Variants in MDGA2 observed in about 807,000 individuals in gnomAD.
The protein encoded by MDGA2 is MAM domain-containing glycosylphosphatidylinositol anchor protein 2.
A neutral mutation model predicts 117.8 loss-of-function variants in MDGA2; 40 were observed. The observed-to-expected ratio is 0.34, with a 90% CI of 0.26 to 0.44. MDGA2 has a LOEUF of 0.44. MDGA2 is among the 20% of genes least tolerant of loss of function. The pLI, the probability that MDGA2 is intolerant of heterozygous loss-of-function variation, is 1.00. For missense variants in MDGA2, 1,123 were observed against 1,250.6 expected (o/e 0.90, Z 1.54); for synonymous variants, 452 against 439.0 (o/e 1.03, Z -0.37).
intron 8 of MDGA2, among the ~76,000 whole-genome samples, chr14:46,965,518 A>G (rs773000220): frequency 3.9e-5 from 6 of 152,182 alleles, no homozygotes; most frequent in Non-Finnish European, 8.8e-5. Context: ...GACTGCCCAC[A>G]CTACTTTGAT....
intron 9 of MDGA2, among the ~76,000 whole-genome samples, chr14:46,946,892 C>A (rs1165344651): frequency 6.6e-6 from 1 of 152,082 alleles, no homozygotes; most frequent in Non-Finnish European, 1.5e-5. Flanking sequence ...AGGAAGGATG[C>A]CAGGTCCTTC....
chr14:47,178,076 G>A (rs1405085101), intron 3 of MDGA2, among the ~76,000 whole-genome samples: 1 of 152,036 alleles, frequency 6.6e-6, no homozygotes, highest in African/African-American at 2.4e-5. Context: ...TACACATTGA[G>A]GGGGTTGGGT....
chr14:47,544,264 A>T (rs1438636993), intron 1 of MDGA2, among the ~76,000 whole-genome samples: 3 of 152,188 alleles, frequency 2.0e-5, no homozygotes, highest in African/African-American at 7.2e-5. Context: ...TAAAAAAACC[A>T]TTAGCAGGTT....
intron 1 of MDGA2, among the ~76,000 whole-genome samples, chr14:47,488,268 A>G (rs1252373286): frequency 6.6e-6 from 1 of 152,164 alleles, no homozygotes; most frequent in Non-Finnish European, 1.5e-5. Flanking sequence ...AAACTATAGT[A>G]AGTAAAATCT....
At chr14:47,193,082 T>C (rs920235308) in intron 3 of MDGA2, among the ~76,000 whole-genome samples, 47 of 151,674 alleles carry the variant, frequency 3.1e-4, no homozygotes, top group African/African-American at 1.1e-3. Context: ...GTGACATTCC[T>C]AATCATACTT....
At chr14:47,163,838 A>G (rs576625557) in intron 3 of MDGA2, among the ~76,000 whole-genome samples, 22 of 152,264 alleles carry the variant, frequency 1.4e-4, no homozygotes, top group African/African-American at 4.3e-4. Context: ...GTTTCCTGGG[A>G]AGCAGGAGCA....
At chr14:46,878,197 T>C (rs1170332272) in intron 11 of MDGA2, among the ~76,000 whole-genome samples, 1 of 151,988 alleles carries the variant, frequency 6.6e-6, no homozygotes, top group African/African-American at 2.4e-5. Context: ...TGCCAATGAA[T>C]TTCCACCCAA....
chr14:47,201,077 C>G, intron 3 of MDGA2: 1 of 1,074,942 alleles, frequency 9.3e-7, no homozygotes, highest in South Asian at 1.2e-5. Context: ...CCTCGACCAT[C>G]AAGCACCAAG....
intron 1 of MDGA2, among the ~76,000 whole-genome samples, chr14:47,638,250 T>C (rs1897359561): frequency 6.6e-6 from 1 of 152,132 alleles, no homozygotes; most frequent in African/African-American, 2.4e-5. Context: ...TCAATCAAAA[T>C]AAATTTAATT....
intron 5 of MDGA2, among the ~76,000 whole-genome samples, chr14:47,119,361 G>C (rs534463671): frequency 6.6e-6 from 1 of 152,020 alleles, no homozygotes; most frequent in Non-Finnish European, 1.5e-5. Context: ...CACCGGGCCC[G>C]GCCCTACATA....
intron 1 of MDGA2, among the ~76,000 whole-genome samples, chr14:47,562,349 A>G (rs1000242867): frequency 6.6e-6 from 1 of 152,090 alleles, no homozygotes; most frequent in Admixed American, 6.5e-5. Context: ...TTGTAAATCC[A>G]TCTTGTCCTG....
At chr14:47,665,093 C>T (rs1897919105) in intron 1 of MDGA2, among the ~76,000 whole-genome samples, 1 of 152,150 alleles carries the variant, frequency 6.6e-6, no homozygotes, top group Admixed American at 6.5e-5. Context: ...TCCAGGACTA[C>T]TTTTCTTTCT....
intron 5 of MDGA2, among the ~76,000 whole-genome samples, chr14:47,111,329 T>A (rs903748402): frequency 1.2e-4 from 18 of 152,090 alleles, no homozygotes; most frequent in African/African-American, 3.9e-4. Flanking sequence ...ACAAAATTCA[T>A]AATTTCCAAG....
intron 1 of MDGA2, among the ~76,000 whole-genome samples, chr14:47,656,102 C>G (rs1292763972): frequency 6.6e-6 from 1 of 152,124 alleles, no homozygotes; most frequent in African/African-American, 2.4e-5. Flanking sequence ...TGAAAATAGG[C>G]AATTAAGAGA....
chr14:47,526,547 G>A (rs969360937), intron 1 of MDGA2, among the ~76,000 whole-genome samples: 11 of 152,096 alleles, frequency 7.2e-5, no homozygotes, highest in African/African-American at 1.4e-4. Flanking sequence ...TCCCCAGGAC[G>A]ACTGGACGGT....
At chr14:47,473,860 C>T (rs1172069061) in intron 1 of MDGA2, among the ~76,000 whole-genome samples, 1 of 152,008 alleles carries the variant, frequency 6.6e-6, no homozygotes, top group African/African-American at 2.4e-5. Flanking sequence ...ATATGACAAA[C>T]CATAACCAAT....
In MDGA2 at chr14:46,907,733, C is replaced by T. The variant is rs72676670; in HGVS notation, c.2238+12279G>A. 4.7e-3 allele frequency among the ~76,000 whole-genome samples: 715 copies of T among 152,174 alleles called. 3 individuals carry two copies. Among genetic ancestry groups the T allele is most frequent in the Non-Finnish European group, 8.4e-3 (572 of 67,980 alleles). On this transcript the variant is annotated intron_variant, in intron 10 of 16. Transcript: ENST00000399232. ...CATTCCTTGACCACAATATCTTATACAAAAGCAATGCTACTCTTTTTCCAT... is the reference window on the plus strand; with the variant it reads ...CATTCCTTGACCACAATATCTTATATAAAAGCAATGCTACTCTTTTTCCAT...
chr14:47,620,183 A>G (rs1247482716), intron 1 of MDGA2, among the ~76,000 whole-genome samples: 1 of 152,260 alleles, frequency 6.6e-6, no homozygotes, highest in African/African-American at 2.4e-5. Flanking sequence ...AGGAATGCTC[A>G]ATGGCAACAG....
At position 47,320,971 on chromosome 14, in the gene MDGA2, G is replaced by A. The variant is rs184221457; in HGVS notation, c.281-19421C>T. ...AAGAGATTATGGGTAAAGAAGACATGAGCAAGGGCTTCATCGGCAGAGGAG... is the reference window on the plus strand; with the variant it reads ...AAGAGATTATGGGTAAAGAAGACATAAGCAAGGGCTTCATCGGCAGAGGAG... On this transcript the variant is annotated intron_variant, in intron 1 of 16. Transcript: ENST00000399232. 2.0e-5 allele frequency among the ~76,000 whole-genome samples: 3 copies of A among 152,292 alleles called. No individual in the cohort carries two copies. In the East Asian group the frequency reaches 5.8e-4, roughly 29 times the overall value.
Sources: allele counts gnomAD v4.1 joint callset (sites outside exome capture counted in the v4.1 genomes callset), GRCh38; gene constraint gnomAD v4.1.1; transcripts MANE v1.5; gene names NCBI Gene and HGNC (gene_info 2026-07-23, HGNC 2026-07-21).